The following WASF1 variants were observed in gnomAD, a reference collection of about 807,000 sequenced individuals.
WASF1 encodes actin-binding protein WASF1.
In WASF1, 7 loss-of-function variants were observed where a neutral mutation model predicts 50.5. That is an observed-to-expected ratio of 0.14 (90% confidence interval 0.08 to 0.26). The LOEUF (loss-of-function observed/expected upper bound fraction) is 0.26, where lower values mean the gene tolerates loss of function less well. Among genes scored for constraint, WASF1 ranks in the 10% least tolerant of loss-of-function variants. The pLI is 1.00. For missense variants in WASF1, 470 were observed against 694.7 expected, an observed-to-expected ratio of 0.68 and a Z score of 3.64; for synonymous variants, 205 against 244.0, an observed-to-expected ratio of 0.84 and a Z score of 1.49.
chr6:110,169,173 T>C (rs1452272008), intron 2 of WASF1, among the ~76,000 whole-genome samples: 1 of 152,120 alleles, frequency 6.6e-6, no homozygotes, highest in Non-Finnish European at 1.5e-5. Flanking sequence ...TGCTAGATCT[T>C]TAACCATCAA....
intron 4 of WASF1, among the ~76,000 whole-genome samples, chr6:110,119,691 GA>G (rs1228799118): frequency 6.6e-6 from 1 of 152,164 alleles, no homozygotes; most frequent in African/African-American, 2.4e-5. Context: ...CTCATTTTAT[GA>G]GGCTAGCATC....
rs948176681 is a variant in WASF1, at chr6:110,130,806, CT to C, written c.-28-3178del. Among the ~76,000 whole-genome samples the C allele has an allele frequency of 4.4e-4, 67 of 152,346 alleles. 1 individual carries two copies. The highest frequency in any genetic ancestry group is 3.5e-3 in the Admixed American group (53 of 15,302). On this transcript the variant is annotated intron_variant, in intron 3 of 10. Transcript: ENST00000392589. ...AACTGTTCCAGAGACTGTACCAACACTTTACTTTCGGCAGTTAAGAGGCTGC... is the reference window on the plus strand; with the variant it reads ...AACTGTTCCAGAGACTGTACCAACACTTACTTTCGGCAGTTAAGAGGCTGC...
chr6:110,158,371 T>C (rs1776114327), intron 3 of WASF1, among the ~76,000 whole-genome samples: 1 of 119,218 alleles, frequency 8.4e-6, no homozygotes, highest in Admixed American at 8.5e-5. Context: ...TCTCTGATGG[T>C]AGTTTGTATT....
chr6:110,144,033 A>T (rs893903830), intron 3 of WASF1, among the ~76,000 whole-genome samples: 3 of 152,114 alleles, frequency 2.0e-5, no homozygotes, highest in Non-Finnish European at 4.4e-5. Flanking sequence ...CTGAGGAATC[A>T]CCACACCGAC....
At position 110,178,580 on chromosome 6, in the gene WASF1, T is replaced by G. The variant is rs1221836061; in HGVS notation, c.-127+18A>C. ...TACATAGAAAAGGAAATGATTAGAG[T>G]AAGTCGTATTTAAGTACCTAGTCTA... is the stretch of plus-strand genomic sequence containing the variant. On this transcript the variant is annotated intron_variant, in intron 2 of 10. Transcript: ENST00000392589. 1.3e-5 allele frequency: 2 copies of G among 152,422 alleles called. No homozygotes were observed. Among genetic ancestry groups the G allele is most frequent in the East Asian group, 3.9e-4 (2 of 5,166 alleles). 9.4% of individuals were successfully genotyped at this position (152,422 alleles called of 1,614,324 possible). A position where few individuals can be genotyped will look rare whatever the true frequency, so the allele number is the denominator to read the frequency against.
At chr6:110,166,784 C>A (rs1318360021) in intron 2 of WASF1, among the ~76,000 whole-genome samples, 3 of 151,912 alleles carry the variant, frequency 2.0e-5, no homozygotes, top group Non-Finnish European at 4.4e-5. Flanking sequence ...CCCTCTGTGG[C>A]TAGTCCTGCC....
chr6:110,169,164 G>T (rs532547350), intron 2 of WASF1, among the ~76,000 whole-genome samples: 2 of 152,082 alleles, frequency 1.3e-5, no homozygotes, highest in African/African-American at 4.8e-5. Flanking sequence ...ATCCATCACT[G>T]CTAGATCTTT....
intron 3 of WASF1, among the ~76,000 whole-genome samples, chr6:110,142,878 A>G (rs931966358): frequency 2.0e-5 from 3 of 151,112 alleles, no homozygotes; most frequent in African/African-American, 4.9e-5. Flanking sequence ...ATAACATAAA[A>G]TAACCAATTT....
At chr6:110,159,255 C>T (rs1776161961) in intron 3 of WASF1, among the ~76,000 whole-genome samples, 1 of 151,782 alleles carries the variant, frequency 6.6e-6, no homozygotes, top group South Asian at 2.1e-4. Context: ...AAAAATAATA[C>T]ACAGGTTAGT....
chr6:110,159,719 C>T (rs1003827182), intron 3 of WASF1, among the ~76,000 whole-genome samples: 3 of 151,826 alleles, frequency 2.0e-5, no homozygotes, highest in African/African-American at 7.2e-5. Flanking sequence ...GGGATAGGAC[C>T]CAAGTTTAAA....
chr6:110,178,423 A>G (rs1777028567), intron 2 of WASF1, among the ~76,000 whole-genome samples, 175 bp downstream of exon 2: 1 of 152,230 alleles, frequency 6.6e-6, no homozygotes, highest in Admixed American at 6.5e-5. Context: ...GCAAATTTAA[A>G]TTTAAGAACA....
In WASF1 at chr6:110,101,597, T is replaced by C; in HGVS notation, c.1513A>G (p.Ile505Val). The change falls in exon 10 of 11, where the codon ATA becomes GTA. Residue 505 changes from isoleucine to valine, a missense_variant. Ile to Val is a conservative substitution (Grantham distance 29). Coordinates refer to ENST00000392589, the MANE Select transcript of WASF1 (RefSeq NM_003931.3). ...SDARSVLLEA[I>V]RKGIQLRKVE... ...GAGCTGAGAAAATTACCTTTTCGTA[T>C]TGCTTCCAGTAGCACACTCCTGGCA... 1 of 1,608,306 alleles carries C rather than the reference T, an allele frequency of 6.2e-7. No homozygotes were observed. The highest frequency in any genetic ancestry group is 8.5e-7 in the Non-Finnish European group (1 of 1,175,966).
intron 2 of WASF1, among the ~76,000 whole-genome samples, chr6:110,168,450 T>G (rs1313680699): frequency 6.6e-6 from 1 of 152,126 alleles, no homozygotes; most frequent in African/African-American, 2.4e-5. Flanking sequence ...ATATGAGGCA[T>G]GCAGTTGTGC....
chr6:110,173,354 C>G lies in WASF1; in HGVS notation c.-127+5244G>C, dbSNP rs192136718. ...AAAAAACTTTGCTGTCATCATCATC[C>G]AACAGATGTCATCACACCCAAAACC... On this transcript the variant is annotated intron_variant, in intron 2 of 10. Coordinates refer to ENST00000392589, the MANE Select transcript of WASF1 (RefSeq NM_003931.3). Among the ~76,000 whole-genome samples, 31 of 152,156 alleles carry G rather than the reference C, an allele frequency of 2.0e-4. 1 individual carries two copies. In the East Asian group the frequency reaches 5.6e-3, roughly 28 times the overall value.
chr6:110,136,403 G>GT (rs1404160251), intron 3 of WASF1, among the ~76,000 whole-genome samples: 1 of 152,110 alleles, frequency 6.6e-6, no homozygotes, highest in Non-Finnish European at 1.5e-5. Context: ...AGTGGTCTAC[G>GT]TATGTCCATT....
chr6:110,159,497 C>T (rs78620314), intron 3 of WASF1, among the ~76,000 whole-genome samples: 9,616 of 151,824 alleles, frequency 0.063, 374 homozygotes, highest in African/African-American at 0.12. Flanking sequence ...TCTTTTGGCA[C>T]CTGATAGGGG....
intron 2 of WASF1, among the ~76,000 whole-genome samples, chr6:110,162,442 C>CA (rs546932624): frequency 0.064 from 4,405 of 68,482 alleles, 108 homozygotes; most frequent in African/African-American, 0.13. Context: ...AAAGACAAGG[C>CA]AAAAAAAAAA....
intron 3 of WASF1, among the ~76,000 whole-genome samples, chr6:110,152,369 T>A (rs1459033400): frequency 1.3e-5 from 2 of 152,166 alleles, no homozygotes; most frequent in African/African-American, 4.8e-5. Flanking sequence ...CAACAAAAAC[T>A]TACTCTGGTT....
intron 2 of WASF1, among the ~76,000 whole-genome samples, chr6:110,166,755 A>C (rs1442171955): frequency 2.0e-5 from 3 of 151,962 alleles, no homozygotes; most frequent in East Asian, 1.9e-4. Context: ...AACTGTGCAA[A>C]GAATCTTAAC....
Sources: gnomAD v4.1 joint callset for allele counts (sites outside exome capture counted in the v4.1 genomes callset) on GRCh38, gnomAD v4.1.1 for gene constraint, MANE v1.5 for transcripts, NCBI Gene and HGNC (gene_info 2026-07-23, HGNC 2026-07-21) for gene names.